The following ADGRA3 variants were observed in gnomAD, a reference collection of about 807,000 sequenced individuals.
ADGRA3 encodes adhesion G protein-coupled receptor A3.
In ADGRA3, 56 loss-of-function variants were observed where a neutral mutation model predicts 119.8. The observed-to-expected ratio is 0.47, with a 90% CI of 0.38 to 0.58. The LOEUF is 0.58. Ranked by LOEUF, ADGRA3 falls within the 20% of genes least tolerant of loss-of-function variation. ADGRA3 has a pLI of 0.00. For missense variants in ADGRA3, 1,516 were observed against 1,649.0 expected, an observed-to-expected ratio of 0.92 and a Z score of 1.40; for synonymous variants, 607 against 623.8, an observed-to-expected ratio of 0.97 and a Z score of 0.40.
rs532985930 is a variant in ADGRA3 at position 22,413,634 on chromosome 4, T to A, written c.1990A>T (p.Thr664Ser). 6.2e-7 allele frequency: 1 copy of A among 1,614,052 alleles called. No homozygotes were observed. The highest frequency in any genetic ancestry group is 1.3e-5 in the African/African-American group (1 of 75,052). The change falls in exon 13 of 19, where the codon ACT becomes TCT. Residue 664 changes from threonine to serine, a missense_variant. Transcript: ENST00000334304. ...GTGAGAATCACAGGGGTAACCACAG[T>A]ACGTCGTTTTCCATCATCAGCCAAA... ...TNLADDGKRR[T>S]VVTPVILTKI...
At chr4:22,507,383 T>C (rs1719279373) in intron 1 of ADGRA3, among the ~76,000 whole-genome samples, 2 of 152,224 alleles carry the variant, frequency 1.3e-5, no homozygotes, top group African/African-American at 4.8e-5. Context: ...GCCAGTAAAC[T>C]ACTGCTTCCT....
In ADGRA3 at chr4:22,507,554, G is replaced by A. The variant is rs536517532; in HGVS notation, c.257+7974C>T. Among the ~76,000 whole-genome samples the A allele has an allele frequency of 3.3e-5, 5 of 152,254 alleles. No homozygotes were observed. In the South Asian group the frequency reaches 8.3e-4, roughly 25 times the overall value. ...GGGAACAGAAGCTGGAGCTGCACTGGGAGCAACCTCACCAAACATTATCAT... is the reference window on the plus strand; with the variant it reads ...GGGAACAGAAGCTGGAGCTGCACTGAGAGCAACCTCACCAAACATTATCAT... On this transcript the variant is annotated intron_variant, in intron 1 of 18. Coordinates refer to ENST00000334304, the MANE Select transcript of ADGRA3 (RefSeq NM_145290.4).
At chr4:22,435,600 T>A in intron 9 of ADGRA3, 134 bp from the exon 10 acceptor site, 1 of 768,994 alleles carries the variant, frequency 1.3e-6, no homozygotes, top group Non-Finnish European at 1.9e-6. Context: ...ATGGCCTTCT[T>A]AAAATGCTTT....
At position 22,515,795 on chromosome 4, in the gene ADGRA3, G is replaced by T; in HGVS notation, c.-11C>A. ...TCCGGGTGGCTCCATGCTGCGGGCC[G>T]GGGCCTGCGGGGCGAGCGGCGGCGC... On this transcript the variant is annotated 5_prime_UTR_variant, in exon 1 of 19. Transcript: ENST00000334304. 1.0e-6 allele frequency: 1 copy of T among 996,360 alleles called. No homozygotes were observed. The highest frequency in any genetic ancestry group is 4.5e-5 in the South Asian group (1 of 22,034). 61.7% of individuals were successfully genotyped at this position (996,360 alleles called of 1,614,324 possible). A position where few individuals can be genotyped will look rare whatever the true frequency, so the allele number is the denominator to read the frequency against.
chr4:22,465,187 T>C (rs1717611504), intron 2 of ADGRA3, among the ~76,000 whole-genome samples: 1 of 152,214 alleles, frequency 6.6e-6, no homozygotes, highest in African/African-American at 2.4e-5. Flanking sequence ...ATTTAATGTT[T>C]AATTTTCTTT....
chr4:22,435,204 A>T, intron 10 of ADGRA3, 107 bp downstream of exon 10: 1 of 939,338 alleles, frequency 1.1e-6, no homozygotes, highest in Middle Eastern at 3.5e-4. Context: ...GCATGCTTTT[A>T]GCTCAAATAT....
intron 2 of ADGRA3, among the ~76,000 whole-genome samples, chr4:22,471,064 T>C (rs1054966544): frequency 2.0e-5 from 3 of 152,046 alleles, no homozygotes; most frequent in African/African-American, 4.8e-5. Context: ...TTGGAAGACA[T>C]AGGAGAGACG....
In ADGRA3 at chr4:22,498,125, C is replaced by G. The variant is rs556424631; in HGVS notation, c.257+17403G>C. Among the ~76,000 whole-genome samples, 37 of 151,518 alleles carry G rather than the reference C, an allele frequency of 2.4e-4. 1 individual carries two copies. The East Asian group carries it at 7.1e-3, about 29-fold the overall frequency. On this transcript the variant is annotated intron_variant, in intron 1 of 18. Transcript: ENST00000334304. ...GCGTGCTGGCAGGAGCCTGTAATCC[C>G]AGATACTCAGGAGGCTGGGTGGGGC...
intron 1 of ADGRA3, among the ~76,000 whole-genome samples, chr4:22,482,627 T>C (rs1348370883): frequency 6.6e-6 from 1 of 152,108 alleles, no homozygotes; most frequent in Non-Finnish European, 1.5e-5. Context: ...ATAGTTCCAC[T>C]GCACTCCAGC....
At chr4:22,499,550 ACTAG>A (rs1718978197) in intron 1 of ADGRA3, among the ~76,000 whole-genome samples, 1 of 152,188 alleles carries the variant, frequency 6.6e-6, no homozygotes, top group South Asian at 2.1e-4. Flanking sequence ...TGTAGACAGA[ACTAG>A]AGTGTTATGA....
chr4:22,408,203 C>T (rs1181877146), intron 14 of ADGRA3, among the ~76,000 whole-genome samples: 1 of 151,892 alleles, frequency 6.6e-6, no homozygotes, highest in African/African-American at 2.4e-5. Flanking sequence ...CATATTAAAG[C>T]TTCTGAAGAG....
intron 16 of ADGRA3, 85 bp from the exon 17 acceptor site, chr4:22,392,775 C>G (rs1714191005): frequency 1.6e-6 from 2 of 1,284,992 alleles, no homozygotes; most frequent in African/African-American, 1.5e-5. Context: ...ACTCAGAAGT[C>G]TGATTTGAAA....
intron 5 of ADGRA3, among the ~76,000 whole-genome samples, chr4:22,445,539 A>G (rs947888670): frequency 6.6e-6 from 1 of 152,130 alleles, no homozygotes; most frequent in Non-Finnish European, 1.5e-5. Context: ...TTCCACCATC[A>G]TTGCCACATT....
chr4:22,479,645 G>C (rs7658925), intron 1 of ADGRA3, among the ~76,000 whole-genome samples: 123,170 of 152,028 alleles, frequency 0.81, 50,260 homozygotes, highest in East Asian at 0.95. Flanking sequence ...CCCATTACTG[G>C]GTATATACCC....
chr4:22,401,590 C>T (rs1714650906), intron 15 of ADGRA3, 36 bp from the exon 16 acceptor site: 2 of 1,531,606 alleles, frequency 1.3e-6, no homozygotes, highest in East Asian at 2.3e-5. Flanking sequence ...AATATTCAGG[C>T]TAGTACATAA....
chr4:22,438,582 A>G (rs1437691697), intron 7 of ADGRA3, among the ~76,000 whole-genome samples, 162 bp from the exon 8 acceptor site: 3 of 152,214 alleles, frequency 2.0e-5, no homozygotes, highest in Non-Finnish European at 4.4e-5. Flanking sequence ...CTTCCTTTAA[A>G]TCCTTCAATC....
chr4:22,409,940 A>G (rs1715124784), intron 14 of ADGRA3, among the ~76,000 whole-genome samples: 1 of 152,220 alleles, frequency 6.6e-6, no homozygotes, highest in Non-Finnish European at 1.5e-5. Flanking sequence ...GTGTAGAAAT[A>G]AATAAAACAT....
chr4:22,453,575 T>C (rs181385056), intron 4 of ADGRA3, among the ~76,000 whole-genome samples: 3 of 152,180 alleles, frequency 2.0e-5, no homozygotes, highest in African/African-American at 7.2e-5. Flanking sequence ...ACAAGAAACA[T>C]TCTAAAAAGC....
chr4:22,476,272 A>G (rs972147900), intron 1 of ADGRA3, among the ~76,000 whole-genome samples: 2 of 152,048 alleles, frequency 1.3e-5, no homozygotes, highest in Non-Finnish European at 2.9e-5. Flanking sequence ...AGAGCCTATG[A>G]CCCTAGCTAT....
Sources: gnomAD v4.1 joint callset for allele counts (sites outside exome capture counted in the v4.1 genomes callset) on GRCh38, gnomAD v4.1.1 for gene constraint, MANE v1.5 for transcripts, NCBI Gene and HGNC (gene_info 2026-07-23, HGNC 2026-07-21) for gene names.